Variants in ZMIZ1 observed in about 807,000 individuals in gnomAD.
ZMIZ1 encodes zinc finger MIZ domain-containing protein 1.
Under a neutral mutation model 113.9 loss-of-function variants are expected in ZMIZ1, and 17 were observed. That is an observed-to-expected ratio of 0.15 (90% CI 0.10 to 0.22). The LOEUF (loss-of-function observed/expected upper bound fraction) is 0.22. Among genes scored for constraint, ZMIZ1 ranks in the 10% least tolerant of loss-of-function variants. The pLI, the probability that ZMIZ1 is intolerant of heterozygous loss-of-function variation, is 1.00. For missense variants in ZMIZ1, 1,059 were observed against 1,477.8 expected, an observed-to-expected ratio of 0.72 and a Z score of 4.65; for synonymous variants, 607 against 603.1, an observed-to-expected ratio of 1.01 and a Z score of -0.09.
At chr10:79,266,670 G>T (rs937932161) in intron 7 of ZMIZ1, among the ~76,000 whole-genome samples, 6 of 152,122 alleles carry the variant, frequency 3.9e-5, no homozygotes, top group African/African-American at 1.4e-4. Context: ...CACTGCCCCC[G>T]GTCCGAGGAC....
intron 7 of ZMIZ1, among the ~76,000 whole-genome samples, chr10:79,221,671 T>C (rs1848978181): frequency 6.6e-6 from 1 of 152,150 alleles, no homozygotes. Flanking sequence ...AGTCGCCATG[T>C]CGAGGTCCCC....
chr10:79,130,172 T>C (rs1328850857), intron 2 of ZMIZ1, among the ~76,000 whole-genome samples: 2 of 152,214 alleles, frequency 1.3e-5, no homozygotes, highest in African/African-American at 4.8e-5. Flanking sequence ...ATCTTCCTGC[T>C]TCTGAATCCC....
chr10:79,221,844 G>T (rs1159592291), intron 7 of ZMIZ1, among the ~76,000 whole-genome samples: 2 of 152,252 alleles, frequency 1.3e-5, no homozygotes, highest in Non-Finnish European at 1.5e-5. Context: ...GCGAGGCAGG[G>T]CCAGAGTCCA....
chr10:79,231,870 G>A (rs1849409174), intron 7 of ZMIZ1, among the ~76,000 whole-genome samples: 1 of 152,238 alleles, frequency 6.6e-6, no homozygotes, highest in African/African-American at 2.4e-5. Flanking sequence ...GAGCCACCGT[G>A]CCCGGTCATG....
At chr10:79,198,759 C>T (rs769192741) in intron 4 of ZMIZ1, among the ~76,000 whole-genome samples, 1 of 152,222 alleles carries the variant, frequency 6.6e-6, no homozygotes, top group Admixed American at 6.5e-5. Flanking sequence ...TGGAGCCGGG[C>T]GCAGTCGCTC....
chr10:79,275,708 C>G (rs1321709710), intron 7 of ZMIZ1, among the ~76,000 whole-genome samples: 1 of 152,216 alleles, frequency 6.6e-6, no homozygotes, highest in East Asian at 1.9e-4. Context: ...TCACCTCCTC[C>G]CCACCTTCTG....
rs190801327 is a variant in ZMIZ1, at chr10:79,289,101, A to G, written c.426-674A>G. 3.0e-3 allele frequency among the ~76,000 whole-genome samples: 461 copies of G among 152,268 alleles called. 1 individual carries two copies. The highest frequency in any genetic ancestry group is 0.014 in the Middle Eastern group (4 of 294). On this transcript the variant is annotated intron_variant, in intron 8 of 24. Transcript: ENST00000334512. ...TGCCTTATAAATGCTGGAAGCCACC[A>G]AAGGTCTTTGATTGTGCCAGGCATC...
At chr10:79,300,018 C>G (rs115410990) in intron 16 of ZMIZ1, among the ~76,000 whole-genome samples, 1 of 151,736 alleles carries the variant, frequency 6.6e-6, no homozygotes, top group African/African-American at 2.4e-5. Flanking sequence ...GCACACACAC[C>G]CCTGCTGTTT....
intron 4 of ZMIZ1, among the ~76,000 whole-genome samples, chr10:79,174,391 AG>A (rs1472227317): frequency 6.6e-6 from 1 of 152,214 alleles, no homozygotes; most frequent in African/African-American, 2.4e-5. Flanking sequence ...CAAAGGGATG[AG>A]TAGGAGAAGT....
chr10:79,213,749 G>T (rs1051595913), intron 6 of ZMIZ1, among the ~76,000 whole-genome samples: 4 of 152,180 alleles, frequency 2.6e-5, no homozygotes, highest in African/African-American at 9.7e-5. Context: ...CACAGAAAGA[G>T]CCCAGAGTTT....
chr10:79,224,827 C>T (rs1849138794), intron 7 of ZMIZ1, among the ~76,000 whole-genome samples: 1 of 151,998 alleles, frequency 6.6e-6, no homozygotes, highest in Admixed American at 6.6e-5. Context: ...CAAGTTGTTC[C>T]TTCAGGAGGA....
intron 2 of ZMIZ1, among the ~76,000 whole-genome samples, chr10:79,139,167 C>T (rs1219814437): frequency 6.6e-6 from 1 of 152,156 alleles, no homozygotes. Context: ...GAGTGTTGGT[C>T]AGGGATCTGG....
At position 79,299,088 on chromosome 10, in the gene ZMIZ1, C is replaced by T; in HGVS notation, c.1705C>T (p.Arg569Trp). The change falls in exon 16 of 25, where the codon CGG becomes TGG. Residue 569 changes from arginine to tryptophan, a missense_variant. This residue lies in a region of ZMIZ1 where 217 missense variants were observed against 426.9 expected (regional missense o/e 0.51). Transcript: ENST00000334512. Reference protein sequence around the residue: ...NDELRLTFPVRDGVVLEPFRL... With the variant: ...NDELRLTFPVWDGVVLEPFRL... ...CGAGCTGCGGCTCACATTCCCTGTG[C>T]GGGATGGCGTGGTGCTGGAGCCCTT... 1.9e-6 allele frequency: 3 copies of T among 1,612,412 alleles called. No individual in the cohort carries two copies. The highest frequency in any genetic ancestry group is 2.5e-6 in the Non-Finnish European group (3 of 1,179,742).
intron 2 of ZMIZ1, among the ~76,000 whole-genome samples, chr10:79,135,933 C>T (rs1844988902): frequency 6.6e-6 from 1 of 152,172 alleles, no homozygotes; most frequent in Admixed American, 6.5e-5. Flanking sequence ...AGAGATCTCC[C>T]TCTCATCAGC....
intron 1 of ZMIZ1, among the ~76,000 whole-genome samples, chr10:79,070,688 A>G (rs1842241896): frequency 6.6e-6 from 1 of 151,872 alleles, no homozygotes; most frequent in Admixed American, 6.5e-5. Context: ...AGGTGGGCCA[A>G]GGGTGCTTGG....
At chr10:79,310,612 G>A (rs1855072641) in intron 23 of ZMIZ1, among the ~76,000 whole-genome samples, 1 of 151,998 alleles carries the variant, frequency 6.6e-6, no homozygotes, top group Non-Finnish European at 1.5e-5. Flanking sequence ...TGGGCGGGGA[G>A]GTGGAGGGGC....
At chr10:79,126,692 C>T (rs971011115) in intron 2 of ZMIZ1, among the ~76,000 whole-genome samples, 3 of 152,206 alleles carry the variant, frequency 2.0e-5, no homozygotes, top group Admixed American at 6.5e-5. Context: ...CTAAATGCCC[C>T]TGAGTAGATC....
chr10:79,195,581 C>A (rs749299281), intron 4 of ZMIZ1, among the ~76,000 whole-genome samples: 1 of 152,220 alleles, frequency 6.6e-6, no homozygotes, highest in Non-Finnish European at 1.5e-5. Context: ...GCGGAGGCAG[C>A]GGCCCAGCTG....
intron 7 of ZMIZ1, among the ~76,000 whole-genome samples, chr10:79,226,039 A>G (rs567667524): frequency 6.6e-6 from 1 of 152,332 alleles, no homozygotes; most frequent in East Asian, 1.9e-4. Context: ...CTACAAACAC[A>G]TACACATGCA....
Sources: gnomAD v4.1 joint callset for allele counts (sites outside exome capture counted in the v4.1 genomes callset) on GRCh38, gnomAD v4.1.1 for gene constraint, gnomAD v4.1.1 regional missense constraint, MANE v1.5 for transcripts, NCBI Gene and HGNC (gene_info 2026-07-23, HGNC 2026-07-21) for gene names.